PTBP3: variants seen among roughly 807,000 people sequenced by gnomAD.
PTBP3 encodes the protein polypyrimidine tract-binding protein 3.
Under a neutral mutation model 58.7 loss-of-function variants are expected in PTBP3, and 20 were observed. The observed-to-expected ratio is 0.34, with a 90% CI of 0.24 to 0.50. The LOEUF is 0.50. PTBP3 is among the 20% of genes least tolerant of loss of function. The probability of loss-of-function intolerance (pLI) is 0.98; values close to 1 mark genes in which losing one functional copy is unlikely to be tolerated. For synonymous variants in PTBP3, 185 were observed against 219.8 expected, an observed-to-expected ratio of 0.84 and a Z score of 1.40; for missense variants, 509 against 637.2, an observed-to-expected ratio of 0.80 and a Z score of 2.17.
At chr9:112,273,061 T>C (rs1023480801) in intron 3 of PTBP3, among the ~76,000 whole-genome samples, 2 of 152,228 alleles carry the variant, frequency 1.3e-5, no homozygotes, top group Admixed American at 6.5e-5. Context: ...GATGTATAAC[T>C]GTACCAACCA....
intron 10 of PTBP3, among the ~76,000 whole-genome samples, chr9:112,230,383 CA>C (rs34665175): frequency 0.56 from 84,426 of 151,874 alleles, 25,175 homozygotes; most frequent in African/African-American, 0.79. Flanking sequence ...AAAAATCTTA[CA>C]AATGAAGCAT....
the PTBP3 span, among the ~76,000 whole-genome samples, chr9:112,341,547 A>T: frequency 6.6e-6 from 1 of 152,080 alleles, no homozygotes; most frequent in Admixed American, 6.6e-5. Context: ...TGATGGCAGT[A>T]CTACTTTGAT....
chr9:112,337,970 C>A (rs749778883), upstream of PTBP3, among the ~76,000 whole-genome samples: 6 of 152,104 alleles, frequency 3.9e-5, no homozygotes, highest in Non-Finnish European at 8.8e-5. Context: ...ATCATTCTAT[C>A]CCATGACAAA....
intron 7 of PTBP3, among the ~76,000 whole-genome samples, chr9:112,240,736 AGAT>A (rs1835624471): frequency 1.3e-5 from 2 of 151,924 alleles, no homozygotes; most frequent in African/African-American, 2.4e-5. Context: ...TCATTATAGG[AGAT>A]GACAGCTTCA....
At chr9:112,282,310 T>A (rs192980141) in intron 2 of PTBP3, among the ~76,000 whole-genome samples, 1 of 152,364 alleles carries the variant, frequency 6.6e-6, no homozygotes, top group African/African-American at 2.4e-5. Context: ...TAATTTTATT[T>A]ACCACATAAA....
chr9:112,302,022 G>A (rs1181920610), intron 1 of PTBP3, among the ~76,000 whole-genome samples: 1 of 152,118 alleles, frequency 6.6e-6, no homozygotes, highest in Non-Finnish European at 1.5e-5. Flanking sequence ...CCCTGCCACA[G>A]CCCGCTGTTA....
the PTBP3 span, among the ~76,000 whole-genome samples, chr9:112,360,867 G>A: frequency 5.9e-5 from 9 of 151,920 alleles, no homozygotes; most frequent in Admixed American, 3.9e-4. Context: ...ATTTCCTTTT[G>A]TGGGTTGTGG....
At chr9:112,288,951 T>C (rs1176770245) in intron 2 of PTBP3, among the ~76,000 whole-genome samples, 1 of 152,236 alleles carries the variant, frequency 6.6e-6, no homozygotes, top group Non-Finnish European at 1.5e-5. Context: ...TATTAAATCA[T>C]AGCCTTCAAT....
intron 2 of PTBP3, among the ~76,000 whole-genome samples, chr9:112,284,151 T>A (rs1564432839): frequency 6.6e-6 from 1 of 152,190 alleles, no homozygotes; most frequent in Non-Finnish European, 1.5e-5. Context: ...GCACTGCACC[T>A]AGTGGAGCTG....
intron 10 of PTBP3, 107 bp downstream of exon 10, chr9:112,231,273 C>G: frequency 1.2e-6 from 1 of 812,742 alleles, no homozygotes. Flanking sequence ...TCCTCAGTGT[C>G]AGCACAATAC....
chr9:112,279,741 C>T (rs1458838712), intron 2 of PTBP3, among the ~76,000 whole-genome samples: 1 of 152,102 alleles, frequency 6.6e-6, no homozygotes, highest in Non-Finnish European at 1.5e-5. Context: ...GAATTCACAT[C>T]TTAACATTTT....
the PTBP3 span, among the ~76,000 whole-genome samples, chr9:112,347,291 T>C: frequency 1.3e-5 from 2 of 151,374 alleles, no homozygotes; most frequent in African/African-American, 4.9e-5. Flanking sequence ...GGCAATGATA[T>C]ATAGAAATCA....
At position 112,234,874 on chromosome 9, in the gene PTBP3, G is replaced by C; in HGVS notation, c.826C>G (p.Pro276Ala). The C allele has an allele frequency of 6.2e-7, 1 of 1,612,772 alleles. No individual in the cohort carries two copies. Among genetic ancestry groups the C allele is most frequent in the Non-Finnish European group, 8.5e-7 (1 of 1,179,066 alleles). Residue 276 changes from proline (P) to alanine (A), a missense_variant, in exon 8 of 14, where the codon CCA becomes GCA. This residue lies in a region of PTBP3 where 121 missense variants were observed against 114.8 expected (regional missense o/e 1.05). Coordinates refer to ENST00000374257, the MANE Select transcript of PTBP3 (RefSeq NM_001163788.4). ...AFGAPGIISS[P>A]YAGAAGFAPA... is the part of the protein sequence containing the mutation. ...GCAAATCCAGCAGCCCCTGCATATG[G>C]TGAAGAAATTATACCCGGTGCACCT...
intron 5 of PTBP3, among the ~76,000 whole-genome samples, chr9:112,256,918 A>G (rs1186853056): frequency 6.6e-6 from 1 of 152,142 alleles, no homozygotes; most frequent in African/African-American, 2.4e-5. Context: ...AGCAATTTCA[A>G]AAAATAATAA....
chr9:112,330,485 A>T, intron 1 of PTBP3: 1 of 1,516,350 alleles, frequency 6.6e-7, no homozygotes, highest in Non-Finnish European at 9.0e-7. Flanking sequence ...CTGTATGGAA[A>T]AAGTAAAAAG....
At chr9:112,276,397 C>T (rs994628077) in intron 2 of PTBP3, among the ~76,000 whole-genome samples, 1 of 151,930 alleles carries the variant, frequency 6.6e-6, no homozygotes, top group Non-Finnish European at 1.5e-5. Flanking sequence ...TAGTCTATTG[C>T]TAAATAAATA....
chr9:112,236,012 G>A (rs1029300941), intron 7 of PTBP3, among the ~76,000 whole-genome samples: 1 of 152,056 alleles, frequency 6.6e-6, no homozygotes, highest in Admixed American at 6.6e-5. Context: ...GTAGTGAGAG[G>A]TTGGACTGCA....
chr9:112,303,032 T>C (rs1418123144), intron 1 of PTBP3, among the ~76,000 whole-genome samples: 1 of 152,186 alleles, frequency 6.6e-6, no homozygotes, highest in Non-Finnish European at 1.5e-5. Context: ...CAATCAACCA[T>C]TAATGTGAAA....
the PTBP3 span, among the ~76,000 whole-genome samples, chr9:112,375,940 G>C: frequency 1.3e-5 from 2 of 152,048 alleles, no homozygotes; most frequent in South Asian, 4.1e-4. Context: ...CAAAATCCTA[G>C]AGGCCTCCAC....
Sources: allele counts gnomAD v4.1 joint callset (sites outside exome capture counted in the v4.1 genomes callset), GRCh38; gene constraint gnomAD v4.1.1; regional missense constraint gnomAD v4.1.1; transcripts MANE v1.5; gene names NCBI Gene and HGNC (gene_info 2026-07-23, HGNC 2026-07-21).